Variants in NEO1 observed in about 807,000 individuals in gnomAD.
NEO1 encodes neogenin 1.
Under a neutral mutation model 159.7 loss-of-function variants are expected in NEO1, and 63 were observed. That is an observed-to-expected ratio of 0.39 (90% CI 0.32 to 0.49). The LOEUF (loss-of-function observed/expected upper bound fraction) is 0.49. Ranked by LOEUF, NEO1 falls within the 20% of genes least tolerant of loss-of-function variation. NEO1 has a pLI of 0.85. For missense variants in NEO1, 1,615 were observed against 1,831.0 expected (o/e 0.88, Z 2.15); for synonymous variants, 633 against 662.0 (o/e 0.96, Z 0.67).
intron 5 of NEO1, among the ~76,000 whole-genome samples, chr15:73,149,091 T>C (rs8039418): frequency 0.63 from 95,446 of 151,592 alleles, 31,496 homozygotes; most frequent in African/African-American, 0.84. Context: ...CCGAGGCGAG[T>C]GGATCACGAG....
At chr15:73,137,918 C>T (rs1035278465) in intron 5 of NEO1, among the ~76,000 whole-genome samples, 6 of 151,824 alleles carry the variant, frequency 4.0e-5, no homozygotes, top group Non-Finnish European at 7.4e-5. Context: ...CTAAGAGATA[C>T]GATAGGTATA....
At chr15:73,113,569 G>T (rs529923439) in intron 1 of NEO1, among the ~76,000 whole-genome samples, 1 of 152,274 alleles carries the variant, frequency 6.6e-6, no homozygotes, top group Non-Finnish European at 1.5e-5. Context: ...GCTCAAGGTA[G>T]TTCACAGTTT....
chr15:73,189,648 C>T (rs1399947212), intron 7 of NEO1, among the ~76,000 whole-genome samples: 1 of 152,212 alleles, frequency 6.6e-6, no homozygotes, highest in Non-Finnish European at 1.5e-5. Context: ...TATATACTGG[C>T]CATAGGCCAG....
intron 3 of NEO1, 84 bp downstream of exon 3, chr15:73,122,884 T>A (rs2071751162): frequency 6.5e-7 from 1 of 1,533,858 alleles, no homozygotes; most frequent in Non-Finnish European, 8.8e-7. Flanking sequence ...AAATAATGAA[T>A]GTTGGCCGGG....
Position 73,179,743 on chromosome 15 carries a change from A to G in NEO1, c.1291+1316A>G, listed in dbSNP as rs1019726240. ...ATAACTGGTACACACTTCAAATCCT[A>G]CCACCTGGGTACACTGTGTATGGTT... On this transcript the variant is annotated intron_variant, in intron 7 of 28. Transcript: ENST00000261908. Among the ~76,000 whole-genome samples, 7 of 152,178 alleles carry G rather than the reference A, an allele frequency of 4.6e-5. No homozygotes were observed. In the East Asian group the frequency reaches 5.8e-4, roughly 13 times the overall value.
At chr15:73,097,931 G>A (rs185183001) in intron 1 of NEO1, among the ~76,000 whole-genome samples, 90 of 151,966 alleles carry the variant, frequency 5.9e-4, no homozygotes, top group African/African-American at 2.1e-3. Flanking sequence ...ATTTTTTAAA[G>A]TAGTAAAATG....
intron 7 of NEO1, among the ~76,000 whole-genome samples, chr15:73,211,438 C>T (rs544355369): frequency 6.6e-6 from 1 of 151,724 alleles, no homozygotes; most frequent in South Asian, 2.1e-4. Flanking sequence ...TAGGTGGGGC[C>T]GGGCGTGTTG....
chr15:73,249,131 G>A lies in NEO1; in HGVS notation c.1678G>A (p.Glu560Lys). The change falls in exon 10 of 29, where the codon GAA becomes AAA. Residue 560 changes from glutamate to lysine, a missense_variant. Physicochemically the swap from Glu to Lys is moderately conservative, Grantham distance 56. Coordinates refer to ENST00000261908, the MANE Select transcript of NEO1 (RefSeq NM_002499.4). ...GCCTACCTCCATCACTGTTACGTGG[G>A]AAACACCAGTGTCTGGCAATGGGGA... ...ASPTSITVTW[E>K]TPVSGNGEIQ... 6.2e-7 allele frequency: 1 copy of A among 1,614,050 alleles called. No individual in the cohort carries two copies. The highest frequency in any genetic ancestry group is 8.5e-7 in the Non-Finnish European group (1 of 1,179,938).
At chr15:73,301,021 T>A (rs1352129076) in intron 27 of NEO1, among the ~76,000 whole-genome samples, 2 of 152,180 alleles carry the variant, frequency 1.3e-5, no homozygotes, top group African/African-American at 2.4e-5. Flanking sequence ...AAATAATGTC[T>A]TACTATAAAG....
chr15:73,257,131 C>CAAAAA (rs1567619256), intron 13 of NEO1, among the ~76,000 whole-genome samples: 1 of 2,828 alleles, frequency 3.5e-4, no homozygotes, highest in Non-Finnish European at 1.7e-3. Flanking sequence ...GACTCTGTCT[C>CAAAAA]CAAAAAAAAA....
chr15:73,090,937 C>T (rs2151441291), intron 1 of NEO1, among the ~76,000 whole-genome samples: 1 of 152,208 alleles, frequency 6.6e-6, no homozygotes, highest in Admixed American at 6.5e-5. Flanking sequence ...TAGACTTAAT[C>T]CTCCCAATTG....
At position 73,236,438 on chromosome 15, in the gene NEO1, A is replaced by G; in HGVS notation, c.1383A>G (p.Thr461=). 6.2e-7 allele frequency: 1 copy of G among 1,614,108 alleles called. No individual in the cohort carries two copies. Among genetic ancestry groups the G allele is most frequent in the Non-Finnish European group, 8.5e-7 (1 of 1,180,014 alleles). The change falls in exon 8 of 29, where the codon ACA becomes ACG. Residue 461 remains threonine, a synonymous_variant. Transcript: ENST00000261908. Reference sequence around the variant, plus strand: ...GCTTCATCAAATTGACGTGGCGGACACCTGCATCAGATCCTCACGGAGACA... The same window carrying G: ...GCTTCATCAAATTGACGTGGCGGACGCCTGCATCAGATCCTCACGGAGACA... ...STRFIKLTWR[T]PASDPHGDNL... is the part of the protein sequence containing the mutation.
At chr15:73,233,748 C>A (rs1472746145) in intron 7 of NEO1, among the ~76,000 whole-genome samples, 3 of 152,140 alleles carry the variant, frequency 2.0e-5, no homozygotes, top group Non-Finnish European at 4.4e-5. Context: ...TCACCTCGTC[C>A]TCCCTGCTTG....
chr15:73,071,698 T>C (rs1344944733), intron 1 of NEO1, among the ~76,000 whole-genome samples: 1 of 152,144 alleles, frequency 6.6e-6, no homozygotes. Context: ...TATTTATTTG[T>C]AGAGACAGGG....
At chr15:73,275,529 C>A (rs1315335866) in intron 21 of NEO1, among the ~76,000 whole-genome samples, 1 of 151,922 alleles carries the variant, frequency 6.6e-6, no homozygotes, top group Non-Finnish European at 1.5e-5. Flanking sequence ...GTGGTGCGCA[C>A]CTATAATCCC....
intron 1 of NEO1, among the ~76,000 whole-genome samples, chr15:73,062,327 G>A (rs1237536933): frequency 6.6e-6 from 1 of 152,102 alleles, no homozygotes; most frequent in African/African-American, 2.4e-5. Flanking sequence ...GCCTATTCAT[G>A]TGTTTTATTC....
At chr15:73,257,490 G>C (rs1373749411) in intron 13 of NEO1, among the ~76,000 whole-genome samples, 1 of 152,120 alleles carries the variant, frequency 6.6e-6, no homozygotes, top group Non-Finnish European at 1.5e-5. Context: ...AACAAAAATG[G>C]AGATGCTTGC....
At chr15:73,164,210 G>GTTTTTT (rs35133349) in intron 5 of NEO1, among the ~76,000 whole-genome samples, 1 of 125,290 alleles carries the variant, frequency 8.0e-6, no homozygotes, top group African/African-American at 3.0e-5. Flanking sequence ...ATTATTATTG[G>GTTTTTT]TTTTTTTTTT....
intron 23 of NEO1, among the ~76,000 whole-genome samples, chr15:73,284,394 A>G (rs1369238538): frequency 6.6e-6 from 1 of 152,204 alleles, no homozygotes; most frequent in Non-Finnish European, 1.5e-5. Flanking sequence ...GGGTAAGTAC[A>G]GGCCACCCTG....
Sources: allele counts gnomAD v4.1 joint callset (sites outside exome capture counted in the v4.1 genomes callset), GRCh38; gene constraint gnomAD v4.1.1; transcripts MANE v1.5; gene names NCBI Gene and HGNC (gene_info 2026-07-23, HGNC 2026-07-21).